Variants in SEPTIN9 observed in about 807,000 individuals in gnomAD.
SEPTIN9 encodes septin 9, also known as septin-9.
Under a neutral mutation model 56.6 loss-of-function variants are expected in SEPTIN9, and 13 were observed. The observed-to-expected ratio is 0.23, with a 90% CI of 0.15 to 0.37. The LOEUF is 0.37. Ranked by LOEUF, SEPTIN9 falls within the 10% of genes least tolerant of loss-of-function variation. The probability of loss-of-function intolerance (pLI) is 1.00; values close to 1 mark genes in which losing one functional copy is unlikely to be tolerated. For synonymous variants in SEPTIN9, 332 were observed against 334.1 expected, an observed-to-expected ratio of 0.99 and a Z score of 0.07; for missense variants, 650 against 823.1, an observed-to-expected ratio of 0.79 and a Z score of 2.57.
In SEPTIN9 at chr17:77,450,548, G is replaced by C. The variant is rs1359852450; in HGVS notation, c.722-31596G>C. Reference sequence around the variant, plus strand: ...AGTGACTCACTTGGGTTCAGAGGTCGTGGCACTGAGATGGGTCTGGCAGAT... The same window carrying C: ...AGTGACTCACTTGGGTTCAGAGGTCCTGGCACTGAGATGGGTCTGGCAGAT... On this transcript the variant is annotated intron_variant, in intron 3 of 11. Transcript: ENST00000427177. This position sits in a 1 kb window ranked among gnomAD's most constrained non-coding sequence, Gnocchi z 6.0. The C allele has an allele frequency of 2.0e-6, 2 of 985,508 alleles. No homozygotes were observed. Among genetic ancestry groups the C allele is most frequent in the Non-Finnish European group, 2.4e-6 (2 of 830,004 alleles). The allele number at this position is 985,508 out of a possible 1,614,324, so 61.0% of individuals were successfully genotyped here.
At chr17:77,358,176 G>T (rs2034312614) in intron 2 of SEPTIN9, among the ~76,000 whole-genome samples, 1 of 152,222 alleles carries the variant, frequency 6.6e-6, no homozygotes, top group Non-Finnish European at 1.5e-5. Context: ...GCACCCAGGA[G>T]TCTGACACAG....
intron 3 of SEPTIN9, among the ~76,000 whole-genome samples, chr17:77,464,343 G>T (rs2038612737): frequency 6.6e-6 from 1 of 152,168 alleles, no homozygotes; most frequent in South Asian, 2.1e-4. Context: ...TTCCCAAAGC[G>T]CTGGGATTAC....
intron 2 of SEPTIN9, among the ~76,000 whole-genome samples, chr17:77,312,149 C>T (rs1450393341): frequency 1.3e-5 from 2 of 152,168 alleles, no homozygotes; most frequent in African/African-American, 4.8e-5. Context: ...CCAGCAGGTG[C>T]CATCCTCCCC....
intron 3 of SEPTIN9, among the ~76,000 whole-genome samples, chr17:77,474,624 G>A (rs982680743): frequency 3.9e-5 from 6 of 152,176 alleles, no homozygotes; most frequent in Admixed American, 2.0e-4. Context: ...CTGGCTGCAG[G>A]AACCCCATAC....
chr17:77,464,127 G>GC (rs2038602179), intron 3 of SEPTIN9, among the ~76,000 whole-genome samples: 2 of 152,074 alleles, frequency 1.3e-5, no homozygotes, highest in Admixed American at 1.3e-4. Flanking sequence ...AGGCTGGAGT[G>GC]CAGTGGCACG....
In SEPTIN9 at chr17:77,394,582, G is replaced by A. The variant is rs12602073; in HGVS notation, c.77-7477G>A. 0.012 allele frequency among the ~76,000 whole-genome samples: 1,787 copies of A among 152,336 alleles called. 96 individuals carry two copies. In the East Asian group the frequency reaches 0.16, roughly 14 times the overall value. On this transcript the variant is annotated intron_variant, in intron 2 of 11. Transcript: ENST00000427177. ...GGCCACGTTGCTCCCTCCTACGAGA[G>A]CTGAGCTGCGCATGAGATTATTCTG...
In SEPTIN9 at chr17:77,327,787, A is replaced by G. The variant is rs142303866; in HGVS notation, c.76+20590A>G. Among the ~76,000 whole-genome samples, 698 of 152,142 alleles carry G rather than the reference A, an allele frequency of 4.6e-3. 9 individuals carry two copies. Among genetic ancestry groups the G allele is most frequent in the African/African-American group, 0.015 (643 of 41,506 alleles). On this transcript the variant is annotated intron_variant, in intron 2 of 11. Coordinates refer to ENST00000427177, the MANE Select transcript of SEPTIN9 (RefSeq NM_001113491.2). This position sits in a 1 kb window ranked among gnomAD's most constrained non-coding sequence, Gnocchi z 5.0. ...CTGACTTGAACACTGAATAAACAAC[A>G]CACCCTCGAAATCAGCGAAGAGGCA...
chr17:77,384,842 A>AACACACACACACAC (rs146495461), intron 2 of SEPTIN9, among the ~76,000 whole-genome samples: 109 of 142,256 alleles, frequency 7.7e-4, no homozygotes, highest in Middle Eastern at 3.5e-3. Context: ...AACCTGTTTA[A>AACACACACACACAC]ACACACACAC....
chr17:77,440,225 G>C (rs919876514), intron 3 of SEPTIN9, among the ~76,000 whole-genome samples: 18 of 151,994 alleles, frequency 1.2e-4, no homozygotes, highest in Non-Finnish European at 1.5e-5. Flanking sequence ...CACAATCTTG[G>C]CTCACTGCAA....
intron 1 of SEPTIN9, among the ~76,000 whole-genome samples, chr17:77,297,059 T>C (rs1179336066): frequency 1.3e-5 from 2 of 151,974 alleles, no homozygotes; most frequent in Admixed American, 1.3e-4. Flanking sequence ...GTTAGAAAGA[T>C]AGATGATAGA....
At chr17:77,383,022 C>A (rs749751513) in intron 2 of SEPTIN9, among the ~76,000 whole-genome samples, 1 of 152,046 alleles carries the variant, frequency 6.6e-6, no homozygotes, top group Non-Finnish European at 1.5e-5. Flanking sequence ...CACAGCAAGG[C>A]CAGGCTGGGA....
intron 4 of SEPTIN9, among the ~76,000 whole-genome samples, chr17:77,486,083 T>A (rs2039765405): frequency 6.6e-6 from 1 of 152,104 alleles, no homozygotes; most frequent in African/African-American, 2.4e-5. Flanking sequence ...CCCAAAGTGC[T>A]GGGATTACAG....
intron 3 of SEPTIN9, among the ~76,000 whole-genome samples, chr17:77,478,014 G>T (rs866252165): frequency 1.3e-5 from 2 of 152,054 alleles, no homozygotes; most frequent in South Asian, 2.1e-4. Flanking sequence ...ACGGTCTTTG[G>T]GGGGGGTCAC....
At chr17:77,303,550 G>T (rs953300424) in intron 1 of SEPTIN9, among the ~76,000 whole-genome samples, 27 of 151,654 alleles carry the variant, frequency 1.8e-4, no homozygotes, top group Non-Finnish European at 4.4e-5. Context: ...TGTCTCTACC[G>T]AATATACAAA....
At chr17:77,341,502 C>T (rs893238049) in intron 2 of SEPTIN9, among the ~76,000 whole-genome samples, 12 of 152,336 alleles carry the variant, frequency 7.9e-5, no homozygotes, top group South Asian at 6.2e-4. Flanking sequence ...TCACTGGGCG[C>T]GGTGGCCCAT....
intron 3 of SEPTIN9, among the ~76,000 whole-genome samples, chr17:77,467,783 A>AC: frequency 6.6e-6 from 1 of 152,318 alleles, no homozygotes; most frequent in East Asian, 1.9e-4. Flanking sequence ...GTAGACGGGA[A>AC]CCGTGGCTGC....
chr17:77,287,771 G>A, intron 1 of SEPTIN9: 2 of 624,710 alleles, frequency 3.2e-6, no homozygotes, highest in Non-Finnish European at 4.1e-6. Context: ...TGACAGCTGA[G>A]CTTTGTTCCC....
At position 77,402,030 on chromosome 17, in the gene SEPTIN9, C is replaced by A; in HGVS notation, c.77-29C>A. On this transcript the variant is annotated intron_variant, in intron 2 of 11. Transcript: ENST00000427177. The surrounding 1 kb of genome is among the most constrained non-coding windows in gnomAD (Gnocchi z 6.6). ...GAGTGTTCCCTAGCCATCCATTCAC[C>A]AATTGCATCCCCTCTCTTTATTTTT... is the stretch of plus-strand genomic sequence containing the variant. 1 of 1,601,820 alleles carries A rather than the reference C, an allele frequency of 6.2e-7. No homozygotes were observed.
At chr17:77,479,109 G>A (rs770152665) in intron 3 of SEPTIN9, among the ~76,000 whole-genome samples, 2 of 152,222 alleles carry the variant, frequency 1.3e-5, no homozygotes, top group Non-Finnish European at 2.9e-5. Context: ...CAATGCGAAT[G>A]TACTTAACAC....
Sources: gnomAD v4.1 joint callset for allele counts (sites outside exome capture counted in the v4.1 genomes callset) on GRCh38, gnomAD v4.1.1 for gene constraint, Gnocchi (gnomAD v3.1) non-coding constraint, MANE v1.5 for transcripts, NCBI Gene and HGNC (gene_info 2026-07-23, HGNC 2026-07-21) for gene names.